SLC9C1: variants seen among roughly 807,000 people sequenced by gnomAD.
The protein encoded by SLC9C1 is sodium/hydrogen exchanger 10.
SLC9C1 carries 97 observed loss-of-function variants against 140.9 expected under a neutral mutation model. The ratio of observed to expected loss-of-function variants is 0.69; its 90% CI spans 0.58 to 0.82. The LOEUF (loss-of-function observed/expected upper bound fraction) is 0.82, where lower values mean the gene tolerates loss of function less well. Ranked by LOEUF, SLC9C1 falls within the 40% of genes least tolerant of loss-of-function variation. The probability of loss-of-function intolerance (pLI) is 0.00; values close to 1 mark genes in which losing one functional copy is unlikely to be tolerated. For missense variants in SLC9C1, 1,340 were observed against 1,389.3 expected (o/e 0.96, Z 0.56); for synonymous variants, 440 against 442.6 (o/e 0.99, Z 0.07).
intron 10 of SLC9C1, among the ~76,000 whole-genome samples, chr3:112,255,983 A>G (rs953401783): frequency 6.6e-6 from 1 of 152,176 alleles, no homozygotes; most frequent in East Asian, 1.9e-4. Context: ...AACCTAGAAG[A>G]GATGGATAAG....
chr3:112,290,039 T>C (rs2080632371), intron 1 of SLC9C1, among the ~76,000 whole-genome samples: 1 of 152,168 alleles, frequency 6.6e-6, no homozygotes, highest in South Asian at 2.1e-4. Context: ...GAAACACTGC[T>C]CCAGGGGAAG....
At chr3:112,145,400 A>G (rs1246990938) in intron 28 of SLC9C1, among the ~76,000 whole-genome samples, 1 of 152,048 alleles carries the variant, frequency 6.6e-6, no homozygotes, top group African/African-American at 2.4e-5. Context: ...TTGATTGGGA[A>G]TATTGGCCTG....
chr3:112,233,409 T>C (rs933106586), intron 12 of SLC9C1, among the ~76,000 whole-genome samples: 1 of 152,158 alleles, frequency 6.6e-6, no homozygotes, highest in African/African-American at 2.4e-5. Flanking sequence ...GCCTCCTCTT[T>C]TGAATTTAAA....
At chr3:112,238,538 T>G (rs1306715330) in intron 12 of SLC9C1, among the ~76,000 whole-genome samples, 1 of 152,180 alleles carries the variant, frequency 6.6e-6, no homozygotes, top group Non-Finnish European at 1.5e-5. Flanking sequence ...GTGCTCTGAT[T>G]TTTAGAATTT....
intron 1 of SLC9C1, among the ~76,000 whole-genome samples, chr3:112,287,187 G>A (rs750315261): frequency 1.3e-5 from 2 of 152,204 alleles, no homozygotes; most frequent in African/African-American, 2.4e-5. Flanking sequence ...CACCAATGTG[G>A]TCATTGGAAC....
intron 10 of SLC9C1, 65 bp downstream of exon 10, chr3:112,262,857 CAT>C (rs1186952384): frequency 8.5e-6 from 11 of 1,299,794 alleles, no homozygotes; most frequent in Non-Finnish European, 9.9e-6. Flanking sequence ...TACAAAAAAA[CAT>C]ATATTTTAAA....
intron 1 of SLC9C1, among the ~76,000 whole-genome samples, chr3:112,287,211 A>T (rs1185418721): frequency 6.6e-6 from 1 of 152,252 alleles, no homozygotes; most frequent in East Asian, 1.9e-4. Flanking sequence ...AAGCTGGTGC[A>T]GGTTACTTAG....
chr3:112,207,405 C>T (rs1305388728), intron 16 of SLC9C1, among the ~76,000 whole-genome samples: 2 of 152,170 alleles, frequency 1.3e-5, no homozygotes, highest in Non-Finnish European at 2.9e-5. Flanking sequence ...GAGCTATAGA[C>T]ATGAATTTGG....
At chr3:112,214,773 C>G (rs142817843) in intron 15 of SLC9C1, among the ~76,000 whole-genome samples, 1 of 152,132 alleles carries the variant, frequency 6.6e-6, no homozygotes, top group Admixed American at 6.5e-5. Flanking sequence ...CGAATTCTAC[C>G]AGAGGTACAA....
chr3:112,193,239 A>T (rs2077701214), intron 20 of SLC9C1, among the ~76,000 whole-genome samples: 1 of 152,142 alleles, frequency 6.6e-6, no homozygotes, highest in Admixed American at 6.5e-5. Flanking sequence ...ATGTCAGCTA[A>T]CCTGGGGTCT....
intron 20 of SLC9C1, among the ~76,000 whole-genome samples, chr3:112,196,925 T>C (rs139261769): frequency 6.6e-6 from 1 of 151,366 alleles, no homozygotes; most frequent in East Asian, 1.9e-4. Context: ...GAATGGGCAA[T>C]ACTTGCCAGT....
intron 9 of SLC9C1, 26 bp downstream of exon 9, chr3:112,264,174 T>C: frequency 2.0e-6 from 2 of 988,598 alleles, no homozygotes; most frequent in East Asian, 3.5e-5. Flanking sequence ...TATCTATAAA[T>C]AGAAAAATTT....
intron 14 of SLC9C1, among the ~76,000 whole-genome samples, chr3:112,219,672 G>C (rs2078486001): frequency 6.6e-6 from 1 of 152,098 alleles, no homozygotes; most frequent in African/African-American, 2.4e-5. Flanking sequence ...TCTGCCTTCG[G>C]GGTTCAAGCA....
intron 15 of SLC9C1, among the ~76,000 whole-genome samples, chr3:112,213,558 T>C (rs1046245240): frequency 1.1e-4 from 16 of 152,132 alleles, no homozygotes; most frequent in Admixed American, 1.0e-3. Flanking sequence ...GTTGCAATCC[T>C]AGTCTCTGAT....
chr3:112,177,510 C>A (rs1396153117), intron 23 of SLC9C1, among the ~76,000 whole-genome samples: 1 of 150,462 alleles, frequency 6.6e-6, no homozygotes, highest in Admixed American at 6.6e-5. Context: ...TCTGATGTCT[C>A]ATTTCTCAGC....
intron 12 of SLC9C1, among the ~76,000 whole-genome samples, chr3:112,236,103 C>CT (rs2078978569): frequency 6.6e-6 from 1 of 152,040 alleles, no homozygotes; most frequent in African/African-American, 2.4e-5. Context: ...TGGTCCTGGA[C>CT]TTTTTTTGGT....
At chr3:112,158,918 T>G (rs2075205918) in intron 26 of SLC9C1, among the ~76,000 whole-genome samples, 1 of 151,868 alleles carries the variant, frequency 6.6e-6, no homozygotes, top group African/African-American at 2.4e-5. Context: ...TTTTTCTTAG[T>G]CTAGATAAGG....
rs201515166 is a variant in SLC9C1 at position 112,239,865 on chromosome 3, G to C, written c.1421C>G (p.Ala474Gly). 5.0e-6 allele frequency: 8 copies of C among 1,612,216 alleles called. No homozygotes were observed. The highest frequency in any genetic ancestry group is 6.8e-6 in the Non-Finnish European group (8 of 1,179,498). Residue 474 changes from alanine to glycine, a missense_variant, in exon 12 of 29, where the codon GCA (alanine) becomes GGA (glycine). Transcript: ENST00000305815. ...CATGTATGGGTTTTCAAGTGTAATT[G>C]CTTTCTCAATCATGTTCCAATCAGC... ...ANADWNMIEKAITLENPYMLN... is the reference protein window; with the variant it reads ...ANADWNMIEKGITLENPYMLN...
At chr3:112,148,282 G>A (rs180765780) in intron 28 of SLC9C1, among the ~76,000 whole-genome samples, 4 of 152,144 alleles carry the variant, frequency 2.6e-5, no homozygotes, top group Admixed American at 2.6e-4. Context: ...TTTGGTTAGG[G>A]ACCATTGCTG....
Sources: gnomAD v4.1 joint callset for allele counts (sites outside exome capture counted in the v4.1 genomes callset) on GRCh38, gnomAD v4.1.1 for gene constraint, MANE v1.5 for transcripts, NCBI Gene and HGNC (gene_info 2026-07-23, HGNC 2026-07-21) for gene names.